CDH20: variants seen among roughly 807,000 people sequenced by gnomAD.
CDH20 encodes the protein cadherin-20.
A neutral mutation model predicts 74.2 loss-of-function variants in CDH20; 29 were observed. The ratio of observed to expected loss-of-function variants is 0.39; its 90% CI spans 0.29 to 0.53. The LOEUF (loss-of-function observed/expected upper bound fraction) is 0.53, where lower values mean the gene tolerates loss of function less well. CDH20 is among the 20% of genes least tolerant of loss of function. The pLI, the probability that CDH20 is intolerant of heterozygous loss-of-function variation, is 0.69. For missense variants in CDH20, 988 were observed against 1,048.3 expected, an observed-to-expected ratio of 0.94 and a Z score of 0.79; for synonymous variants, 469 against 405.4, an observed-to-expected ratio of 1.16 and a Z score of -1.88.
chr18:61,481,331 G>A (rs908482170), intron 1 of CDH20, among the ~76,000 whole-genome samples: 19 of 152,138 alleles, frequency 1.2e-4, no homozygotes, highest in Admixed American at 3.9e-4. Flanking sequence ...GTATTAGGTC[G>A]TGATAATCTG....
At chr18:61,357,414 T>C (rs191044398) in intron 1 of CDH20, among the ~76,000 whole-genome samples, 2 of 152,298 alleles carry the variant, frequency 1.3e-5, no homozygotes, top group African/African-American at 4.8e-5. Context: ...CCCCCTCCTA[T>C]AACAAGTCTA....
At chr18:61,544,219 C>T (rs1196901941) in intron 9 of CDH20, among the ~76,000 whole-genome samples, 1 of 152,224 alleles carries the variant, frequency 6.6e-6, no homozygotes, top group East Asian at 1.9e-4. Flanking sequence ...GGGAAGCATG[C>T]AGACGGGCAG....
intron 1 of CDH20, among the ~76,000 whole-genome samples, chr18:61,370,880 A>G (rs1012944247): frequency 5.3e-5 from 8 of 152,120 alleles, no homozygotes; most frequent in Admixed American, 5.2e-4. Context: ...ATCAATTTTT[A>G]AGTCAAAAAC....
At chr18:61,498,315 G>A (rs1489036509) in intron 2 of CDH20, among the ~76,000 whole-genome samples, 2 of 151,860 alleles carry the variant, frequency 1.3e-5, no homozygotes, top group Non-Finnish European at 2.9e-5. Context: ...CAGGAGAATC[G>A]CTTCAACCTG....
chr18:61,525,277 T>A (rs1348416544), intron 6 of CDH20, among the ~76,000 whole-genome samples: 1 of 152,190 alleles, frequency 6.6e-6, no homozygotes, highest in Non-Finnish European at 1.5e-5. Flanking sequence ...TCTTATTTTT[T>A]AAAACATACA....
In CDH20 at chr18:61,503,079, C is replaced by A. The variant is rs768307657; in HGVS notation, c.788C>A (p.Thr263Asn). ...GCTGGGACCACAACAGTCAACATCA[C>A]CCTCTCAGATGTCAATGATAACCCA... Reference protein sequence around the residue: ...GLAGTTTVNITLSDVNDNPPR... With the variant: ...GLAGTTTVNINLSDVNDNPPR... The change falls in exon 5 of 12, where the codon ACC becomes AAC. Residue 263 changes from threonine to asparagine, a missense_variant. Transcript: ENST00000262717. The A allele has an allele frequency of 3.7e-6, 6 of 1,613,328 alleles. No homozygotes were observed. Among genetic ancestry groups the A allele is most frequent in the African/African-American group, 1.3e-5 (1 of 74,988 alleles).
intron 1 of CDH20, among the ~76,000 whole-genome samples, chr18:61,379,081 C>A (rs1911347070): frequency 2.6e-5 from 4 of 151,726 alleles, no homozygotes; most frequent in East Asian, 1.9e-4. Context: ...AGGTTTTTCC[C>A]CTTATAATTT....
At chr18:61,385,940 AAAAAAGATATT>A (rs936731188) in intron 1 of CDH20, among the ~76,000 whole-genome samples, 1 of 152,096 alleles carries the variant, frequency 6.6e-6, no homozygotes, top group African/African-American at 2.4e-5. Flanking sequence ...AAAAAAAAAA[AAAAAAGATATT>A]AACAGTTTAC....
intron 1 of CDH20, among the ~76,000 whole-genome samples, chr18:61,467,906 G>A (rs752310177): frequency 2.0e-5 from 3 of 152,196 alleles, no homozygotes; most frequent in Admixed American, 6.5e-5. Flanking sequence ...TGCTGTGTGC[G>A]AAGGCTCTGC....
chr18:61,554,970 G>T lies in CDH20; in HGVS notation c.*275G>T. ...TGTGTGCGAAGGCTTGGAGTCCAAG[G>T]TGTTCTGACAAGGGTGGCTTTTCTC... On this transcript the variant is annotated 3_prime_UTR_variant, in exon 12 of 12. Transcript: ENST00000262717. 5 of 1,285,844 alleles carry T rather than the reference G, an allele frequency of 3.9e-6. No homozygotes were observed. Among genetic ancestry groups the T allele is most frequent in the Non-Finnish European group, 4.9e-6 (5 of 1,015,342 alleles). 79.7% of individuals were successfully genotyped at this position (1,285,844 alleles called of 1,614,324 possible).
rs758110420 is a variant in CDH20, at chr18:61,483,014, C to T, written c.-152-7388C>T. ...CAGACAGGCCCTTTGCATCCTGCAT[C>T]TGCACCATGGTATCTGCGTTTTCTT... On this transcript the variant is annotated intron_variant, in intron 1 of 11. Transcript: ENST00000262717. 1.7e-3 allele frequency among the ~76,000 whole-genome samples: 262 copies of T among 152,346 alleles called. 5 individuals carry two copies. Among genetic ancestry groups the T allele is most frequent in the Middle Eastern group, 6.8e-3 (2 of 294 alleles).
intron 1 of CDH20, among the ~76,000 whole-genome samples, chr18:61,378,686 C>T (rs550971613): frequency 8.5e-5 from 13 of 152,296 alleles, no homozygotes; most frequent in South Asian, 2.1e-4. Context: ...TTAACCATTA[C>T]GACTGGTGAC....
intron 1 of CDH20, among the ~76,000 whole-genome samples, chr18:61,422,349 A>G (rs764009990): frequency 1.2e-4 from 18 of 152,164 alleles, no homozygotes; most frequent in Non-Finnish European, 2.2e-4. Context: ...ATCTTTCCAC[A>G]TTGGCATCTT....
intron 1 of CDH20, among the ~76,000 whole-genome samples, chr18:61,478,959 AAATAT>A (rs1306408565): frequency 2.0e-5 from 3 of 151,848 alleles, no homozygotes; most frequent in African/African-American, 7.2e-5. Flanking sequence ...TATATTATAT[AAATAT>A]AATAGTCTCA....
intron 1 of CDH20, among the ~76,000 whole-genome samples, chr18:61,387,417 T>C (rs181190708): frequency 1.3e-5 from 2 of 152,314 alleles, no homozygotes; most frequent in Admixed American, 1.3e-4. Flanking sequence ...ATGGTACTCG[T>C]TCCTGATTAC....
At chr18:61,431,728 T>C (rs958627432) in intron 1 of CDH20, among the ~76,000 whole-genome samples, 2 of 152,224 alleles carry the variant, frequency 1.3e-5, no homozygotes, top group Non-Finnish European at 2.9e-5. Flanking sequence ...GTTGCTTTAA[T>C]TTGAATTTCT....
At chr18:61,552,307 G>A (rs1913464557) in intron 11 of CDH20, among the ~76,000 whole-genome samples, 2 of 150,372 alleles carry the variant, frequency 1.3e-5, no homozygotes, top group South Asian at 2.1e-4. Flanking sequence ...AAGCCTTTCA[G>A]CTGAATAAGA....
intron 1 of CDH20, among the ~76,000 whole-genome samples, chr18:61,398,528 AT>A (rs1912060040): frequency 6.6e-6 from 1 of 152,214 alleles, no homozygotes; most frequent in African/African-American, 2.4e-5. Flanking sequence ...GCATATTGAC[AT>A]CTTATTTTCA....
In CDH20 at chr18:61,465,572, T is replaced by C. The variant is rs566824464; in HGVS notation, c.-152-24830T>C. ...TAAATTTTGATAGCTTGGAAATAAA[T>C]TAACTCTCAGAAAGAATTACATGGG... On this transcript the variant is annotated intron_variant, in intron 1 of 11. Transcript: ENST00000262717. Among the ~76,000 whole-genome samples the C allele has an allele frequency of 2.7e-5, 4 of 149,858 alleles. No individual in the cohort carries two copies. In the South Asian group the frequency reaches 8.5e-4, roughly 32 times the overall value.
Sources: allele counts gnomAD v4.1 joint callset (sites outside exome capture counted in the v4.1 genomes callset), GRCh38; gene constraint gnomAD v4.1.1; transcripts MANE v1.5; gene names NCBI Gene and HGNC (gene_info 2026-07-23, HGNC 2026-07-21).